PDE1C: variants seen among roughly 807,000 people sequenced by gnomAD.
PDE1C encodes the protein phosphodiesterase 1C.
Under a neutral mutation model 93.1 loss-of-function variants are expected in PDE1C, and 62 were observed. The ratio of observed to expected loss-of-function variants is 0.67; its 90% CI spans 0.54 to 0.82. The LOEUF (loss-of-function observed/expected upper bound fraction) is 0.82. Among genes scored for constraint, PDE1C ranks in the 40% least tolerant of loss-of-function variants. The pLI is 0.00. For synonymous variants in PDE1C, 325 were observed against 310.1 expected (o/e 1.05, Z -0.50); for missense variants, 742 against 884.6 (o/e 0.84, Z 2.04).
At chr7:32,036,879 G>C (rs890443849) in intron 2 of PDE1C, among the ~76,000 whole-genome samples, 2 of 152,086 alleles carry the variant, frequency 1.3e-5, no homozygotes, top group South Asian at 4.1e-4. Context: ...GCTCTCACTC[G>C]GACCTACCAA....
chr7:32,331,964 G>T (rs1474408188), intron 1 of PDE1C, among the ~76,000 whole-genome samples: 2 of 152,026 alleles, frequency 1.3e-5, no homozygotes, highest in African/African-American at 4.8e-5. Context: ...ATTGGGGCTT[G>T]GAAGGAAGTG....
the PDE1C span, among the ~76,000 whole-genome samples, chr7:31,618,773 A>C: frequency 4.7e-3 from 713 of 152,372 alleles, 1 homozygote; most frequent in Non-Finnish European, 5.4e-3. Context: ...AAGTGTTGGC[A>C]TCAGGATGAA....
intron 2 of PDE1C, among the ~76,000 whole-genome samples, chr7:32,006,762 G>T (rs1373057306): frequency 6.6e-6 from 1 of 152,202 alleles, no homozygotes; most frequent in African/African-American, 2.4e-5. Flanking sequence ...GCCAACAAAG[G>T]TGAAAAACAG....
chr7:32,008,800 T>A (rs1408810645), intron 2 of PDE1C, among the ~76,000 whole-genome samples: 1 of 152,202 alleles, frequency 6.6e-6, no homozygotes, highest in African/African-American at 2.4e-5. Context: ...ATCAAATAGA[T>A]GCTACCATGT....
intron 2 of PDE1C, among the ~76,000 whole-genome samples, chr7:31,893,665 GAA>G (rs746606003): frequency 4.0e-5 from 6 of 150,558 alleles, no homozygotes; most frequent in Non-Finnish European, 7.4e-5. Flanking sequence ...TAGCTATTTA[GAA>G]AAAAAAATCC....
intron 1 of PDE1C, among the ~76,000 whole-genome samples, chr7:32,330,354 C>G (rs1413504519): frequency 6.6e-6 from 1 of 152,218 alleles, no homozygotes; most frequent in African/African-American, 2.4e-5. Context: ...CTGCAAATGG[C>G]TAGAATCAAA....
chr7:31,985,597 G>T (rs1221921563), intron 2 of PDE1C, among the ~76,000 whole-genome samples: 2 of 151,446 alleles, frequency 1.3e-5, no homozygotes, highest in Non-Finnish European at 2.9e-5. Flanking sequence ...ACAGGTCCCA[G>T]TGTGTGATGT....
intron 17 of PDE1C, among the ~76,000 whole-genome samples, chr7:31,774,205 A>G (rs1334117346): frequency 6.6e-6 from 1 of 152,234 alleles, no homozygotes; most frequent in Non-Finnish European, 1.5e-5. Flanking sequence ...CCAATTCAAA[A>G]TGGGTTAAAA....
At chr7:31,747,056 C>T (rs1794022616), downstream of PDE1C, among the ~76,000 whole-genome samples, 1 of 152,156 alleles carries the variant, frequency 6.6e-6, no homozygotes. Context: ...GAGAGGGAAA[C>T]TCACAATCCT....
intron 3 of PDE1C, among the ~76,000 whole-genome samples, chr7:32,138,092 A>C (rs1480211144): frequency 6.6e-6 from 1 of 152,200 alleles, no homozygotes; most frequent in Non-Finnish European, 1.5e-5. Context: ...GAAAACAAAG[A>C]ATGGCAGCCA....
intron 1 of PDE1C, among the ~76,000 whole-genome samples, chr7:32,381,857 G>A (rs147400765): frequency 2.0e-5 from 3 of 152,278 alleles, no homozygotes; most frequent in African/African-American, 7.2e-5. Context: ...CTCTCTGAGA[G>A]AAGAAAGTTT....
At chr7:32,270,610 G>C (rs1810894310) in intron 1 of PDE1C, among the ~76,000 whole-genome samples, 2 of 152,176 alleles carry the variant, frequency 1.3e-5, no homozygotes, top group Admixed American at 1.3e-4. Context: ...GTTAGGAATA[G>C]TGAAGAAGAT....
intron 1 of PDE1C, among the ~76,000 whole-genome samples, chr7:32,364,013 C>T (rs1014762741): frequency 6.6e-6 from 1 of 152,126 alleles, no homozygotes; most frequent in African/African-American, 2.4e-5. Context: ...GAATAACTTG[C>T]TCAAGGTTAT....
chr7:31,864,865 T>A (rs1795093816), intron 7 of PDE1C, 77 bp downstream of exon 7: 1 of 1,416,262 alleles, frequency 7.1e-7, no homozygotes, highest in Non-Finnish European at 9.9e-7. Context: ...CTCCACCTCA[T>A]CAGAATTGGA....
At chr7:31,966,747 A>G (rs1254213460) in intron 2 of PDE1C, among the ~76,000 whole-genome samples, 2 of 152,252 alleles carry the variant, frequency 1.3e-5, no homozygotes, top group Non-Finnish European at 2.9e-5. Context: ...AACAGAAATT[A>G]TAACAGACTG....
At chr7:32,209,462 G>A (rs1227373899) in intron 2 of PDE1C, 2 of 1,553,432 alleles carry the variant, frequency 1.3e-6, no homozygotes, top group East Asian at 2.4e-5. Context: ...TGGAGACCAG[G>A]AAAGGAGTGA....
chr7:31,974,460 T>C (rs906559508), intron 2 of PDE1C, among the ~76,000 whole-genome samples: 2 of 152,224 alleles, frequency 1.3e-5, no homozygotes, highest in Admixed American at 6.5e-5. Flanking sequence ...TGTGGTTTCC[T>C]GTGAACTAAG....
the PDE1C span, among the ~76,000 whole-genome samples, chr7:31,742,081 G>A: frequency 6.6e-6 from 1 of 152,198 alleles, no homozygotes; most frequent in African/African-American, 2.4e-5. Context: ...TTGAACAAAG[G>A]AATGAATCAG....
chr7:31,899,132 C>CTT (rs386409838), intron 2 of PDE1C, among the ~76,000 whole-genome samples: 8,746 of 84,956 alleles, frequency 0.1, 660 homozygotes, highest in Admixed American at 0.19. Flanking sequence ...GGCAGTCCCA[C>CTT]TTTTTTTTTT....
Sources: gnomAD v4.1 joint callset for allele counts (sites outside exome capture counted in the v4.1 genomes callset) on GRCh38, gnomAD v4.1.1 for gene constraint, MANE v1.5 for transcripts, NCBI Gene and HGNC (gene_info 2026-07-23, HGNC 2026-07-21) for gene names.